The following RHCE variants were observed in gnomAD, a reference collection of about 807,000 sequenced individuals.
RHCE encodes Rh blood group CcEe antigens.
A neutral mutation model predicts 43.8 loss-of-function variants in RHCE; 22 were observed. The ratio of observed to expected loss-of-function variants is 0.50; its 90% CI spans 0.36 to 0.72. RHCE has a LOEUF of 0.72. RHCE is among the 30% of genes least tolerant of loss of function. The pLI is 0.00. For synonymous variants in RHCE, 156 were observed against 210.7 expected (o/e 0.74, Z 2.25); for missense variants, 385 against 525.4 (o/e 0.73, Z 2.61).
rs1349541995 is a variant in RHCE at position 25,374,101 on chromosome 1, G to A, written c.1153+1248C>T. Among the ~76,000 whole-genome samples the A allele has an allele frequency of 1.3e-5, 2 of 150,772 alleles. 1 individual carries two copies. Among genetic ancestry groups the A allele is most frequent in the African/African-American group, 4.9e-5 (2 of 40,572 alleles). ...CTCCCAAAGTGCTGGGATTACAGGC[G>A]TGAGCCACTGTGCCTGGCCTGAATG... is the stretch of plus-strand genomic sequence containing the variant. On this transcript the variant is annotated intron_variant, in intron 8 of 9. Transcript: ENST00000294413.
In RHCE at chr1:25,379,469, ATATATATATATATATATATATATATATTT is replaced by A. The variant is rs1362553558; in HGVS notation, c.1074-4070_1074-4042del. Among the ~76,000 whole-genome samples, 11 of 6,194 alleles carry A rather than the reference ATATATATATATATATATATATATATATTT, an allele frequency of 1.8e-3. No homozygotes were observed. In the East Asian group the frequency reaches 0.029, roughly 16 times the overall value. 4.1% of individuals were successfully genotyped at this position (6,194 alleles called of 152,430 possible). A position where few individuals can be genotyped will look rare whatever the true frequency, so the allele number is the denominator to read the frequency against. On this transcript the variant is annotated intron_variant, in intron 7 of 9. Coordinates refer to ENST00000294413, the MANE Select transcript of RHCE (RefSeq NM_020485.8). ...CACCAAAGTATATATATATATATATATATATATATATATATATATATATATATTTTTTTTTTTTTTTTTTTTTTTTTTAA... is the reference window on the plus strand; with the variant it reads ...CACCAAAGTATATATATATATATATATTTTTTTTTTTTTTTTTTTTTTTAA...
intron 9 of RHCE, among the ~76,000 whole-genome samples, chr1:25,369,478 G>A (rs778230141): frequency 6.6e-6 from 1 of 151,614 alleles, no homozygotes; most frequent in Non-Finnish European, 1.5e-5. Context: ...TATGAGTGTA[G>A]GTCAAAGGGA....
chr1:25,426,379 T>C (rs1167678441), intron 2 of RHCE, among the ~76,000 whole-genome samples: 2 of 152,214 alleles, frequency 1.3e-5, no homozygotes, highest in African/African-American at 2.4e-5. Context: ...TCATGAACTC[T>C]ATATCATAAG....
At chr1:25,377,830 G>C (rs1159188371) in intron 7 of RHCE, among the ~76,000 whole-genome samples, 2 of 152,192 alleles carry the variant, frequency 1.3e-5, no homozygotes, top group Non-Finnish European at 2.9e-5. Flanking sequence ...GCTTGAACCT[G>C]GGAGGCAGAG....
At chr1:25,371,329 A>G (rs1414390381) in intron 8 of RHCE, among the ~76,000 whole-genome samples, 1 of 151,452 alleles carries the variant, frequency 6.6e-6, no homozygotes, top group Non-Finnish European at 1.5e-5. Context: ...AACTTGCTTA[A>G]GTGCCTGTCC....
intron 7 of RHCE, 45 bp downstream of exon 7, chr1:25,385,666 T>C (rs1213505687): frequency 6.2e-7 from 1 of 1,613,660 alleles, no homozygotes; most frequent in Non-Finnish European, 8.5e-7. Flanking sequence ...CTTCCTGAGT[T>C]GGAGGGGAGT....
At chr1:25,402,447 A>G (rs1646783413) in intron 3 of RHCE, 149 bp downstream of exon 3, 1 of 1,023,102 alleles carries the variant, frequency 9.8e-7, no homozygotes, top group Non-Finnish European at 1.5e-6. Flanking sequence ...GCGGGTCTCA[A>G]ACTCCTGGCC....
rs761275424 is a variant in RHCE, at chr1:25,392,141, T to C, written c.487A>G (p.Thr163Ala). The C allele has an allele frequency of 1.2e-6, 2 of 1,614,168 alleles. No homozygotes were observed. The highest frequency in any genetic ancestry group is 2.2e-5 in the East Asian group (1 of 44,882). The change falls in exon 4 of 10, where the codon ACA becomes GCA. Residue 163 changes from threonine (T) to alanine (A), a missense_variant and splice_region_variant. By Grantham distance (58) the Thr-to-Ala change is moderately conservative. Coordinates refer to ENST00000294413, the MANE Select transcript of RHCE (RefSeq NM_020485.8). ...TGCCTCAGGTTCATGTGGTAGTCTG[T>C]CTGCAATAAAACCCAGTAAGAGCAG... ...LRMVISNIFN[T>A]DYHMNLRHFY...
intron 2 of RHCE, chr1:25,428,878 G>A (rs1287758702): frequency 6.6e-6 from 1 of 152,368 alleles, no homozygotes; most frequent in African/African-American, 2.4e-5. Context: ...GAGATACTGT[G>A]TTGGGGCAGA....
Position 25,420,719 on chromosome 1 carries a change from G to A in RHCE, c.68C>T (p.Ala23Val), listed in dbSNP as rs1160498669. 1.2e-6 allele frequency: 2 copies of A among 1,612,916 alleles called. No individual in the cohort carries two copies. The highest frequency in any genetic ancestry group is 1.3e-5 in the African/African-American group (1 of 74,728). Residue 23 changes from alanine to valine, a missense_variant, in exon 1 of 10, where the codon GCT (alanine) becomes GTT (valine). Ala to Val is a moderately conservative substitution (Grantham distance 64). Transcript: ENST00000294413. ...LPLCALTLEA[A>V]LILLFYFFTH... Reference sequence around the variant, plus strand: ...AAAAAAATAGAAGAGGAGAATGAGAGCTGCTTCCAGTGTTAGGGCGCAGAG... The same window carrying A: ...AAAAAAATAGAAGAGGAGAATGAGAACTGCTTCCAGTGTTAGGGCGCAGAG...
rs144163296 is a variant in RHCE at position 25,390,838 on chromosome 1, T to G, written c.712A>C (p.Met238Leu). ...GCTAGAGCATAGTAGGTGTTGAACA[T>G]GGCATTCTTCCTTTGGATTGGACTT... ...LRSPIQRKNA[M>L]FNTYYALAVS... The change falls in exon 5 of 10, where the codon ATG (methionine) becomes CTG (leucine). Residue 238 changes from methionine to leucine, a missense_variant. Physicochemically the swap from Met to Leu is conservative, Grantham distance 15 (BLOSUM62 2). This residue lies in a region of RHCE where 56 missense variants were observed against 90.0 expected (regional missense o/e 0.62). Transcript: ENST00000294413. The G allele has an allele frequency of 6.2e-7, 1 of 1,613,670 alleles. No individual in the cohort carries two copies. Among genetic ancestry groups the G allele is most frequent in the Non-Finnish European group, 8.5e-7 (1 of 1,180,036 alleles).
chr1:25,395,827 T>C (rs1301393496), intron 3 of RHCE, among the ~76,000 whole-genome samples: 7 of 152,034 alleles, frequency 4.6e-5, no homozygotes, highest in African/African-American at 1.2e-4. Flanking sequence ...AAAACCACCA[T>C]TGGCAATTAT....
At chr1:25,430,121 C>T (rs1017786896) in exon 1 of RHCE, 18 of 151,866 alleles carry the variant, frequency 1.2e-4, no homozygotes, top group African/African-American at 4.3e-4. Flanking sequence ...ACTCGGCGCC[C>T]GCGGGGCCCA....
intron 2 of RHCE, among the ~76,000 whole-genome samples, chr1:25,405,199 G>A (rs1380650395): frequency 6.6e-6 from 1 of 151,922 alleles, no homozygotes. Flanking sequence ...CTCTGCAGAA[G>A]ACAGAAAAAT....
chr1:25,421,063 G>A (rs1340746976), upstream of RHCE: 2 of 448,078 alleles, frequency 4.5e-6, no homozygotes, highest in African/African-American at 4.0e-5. Context: ...GTTTGAAAGA[G>A]GGCATTCTAT....
intron 9 of RHCE, among the ~76,000 whole-genome samples, chr1:25,370,076 G>T (rs1171620762): frequency 6.6e-6 from 1 of 151,492 alleles, no homozygotes; most frequent in Admixed American, 6.6e-5. Context: ...TCCACTCTTA[G>T]CATCTGTCAA....
intron 7 of RHCE, among the ~76,000 whole-genome samples, chr1:25,381,145 T>A (rs1645985128): frequency 6.6e-6 from 1 of 152,156 alleles, no homozygotes; most frequent in South Asian, 2.1e-4. Flanking sequence ...TGTTCTTTCA[T>A]TCTCTACAAC....
At chr1:25,388,216 A>G (rs966799107) in intron 6 of RHCE, among the ~76,000 whole-genome samples, 1 of 139,440 alleles carries the variant, frequency 7.2e-6, no homozygotes, top group African/African-American at 2.7e-5. Context: ...CAAACCCATG[A>G]AGATTTGTTG....
intron 3 of RHCE, among the ~76,000 whole-genome samples, chr1:25,400,379 C>G (rs1337115916): frequency 6.6e-6 from 1 of 151,966 alleles, no homozygotes; most frequent in Non-Finnish European, 1.5e-5. Context: ...ATTCAGCCCA[C>G]CTGGGGCCCT....
Sources: gnomAD v4.1 joint callset for allele counts (sites outside exome capture counted in the v4.1 genomes callset) on GRCh38, gnomAD v4.1.1 for gene constraint, gnomAD v4.1.1 regional missense constraint, MANE v1.5 for transcripts, NCBI Gene and HGNC (gene_info 2026-07-23, HGNC 2026-07-21) for gene names.